The following HDAC4 variants were observed in gnomAD, a reference collection of about 807,000 sequenced individuals.
HDAC4 encodes the protein histone deacetylase A.
Under a neutral mutation model 135.1 loss-of-function variants are expected in HDAC4, and 16 were observed. The observed-to-expected ratio is 0.12, with a 90% CI of 0.08 to 0.18. The LOEUF (loss-of-function observed/expected upper bound fraction) is 0.18. Among genes scored for constraint, HDAC4 ranks in the 10% least tolerant of loss-of-function variants. The probability of loss-of-function intolerance (pLI) is 1.00; values close to 1 mark genes in which losing one functional copy is unlikely to be tolerated. For synonymous variants in HDAC4, 685 were observed against 653.4 expected, an observed-to-expected ratio of 1.05 and a Z score of -0.74; for missense variants, 1,143 against 1,511.8, an observed-to-expected ratio of 0.76 and a Z score of 4.05.
chr2:239,080,181 TAC>T (rs2035171517), intron 22 of HDAC4, among the ~76,000 whole-genome samples: 2 of 152,048 alleles, frequency 1.3e-5, no homozygotes, highest in Non-Finnish European at 2.9e-5. Context: ...CTCACATCCA[TAC>T]ACAGACACAT....
At chr2:239,077,159 G>A (rs1407287862) in intron 22 of HDAC4, among the ~76,000 whole-genome samples, 6 of 152,224 alleles carry the variant, frequency 3.9e-5, no homozygotes, top group South Asian at 2.1e-4. Flanking sequence ...AGAGCTGGCC[G>A]TGATGCTTCT....
At chr2:239,223,968 C>T (rs1208192108) in intron 3 of HDAC4, among the ~76,000 whole-genome samples, 1 of 152,148 alleles carries the variant, frequency 6.6e-6, no homozygotes, top group Non-Finnish European at 1.5e-5. Flanking sequence ...GAATGCCCAG[C>T]GCAGGCCCCT....
In HDAC4 at chr2:239,146,357, A is replaced by G. The variant is rs1234232336; in HGVS notation, c.734-1643T>C. On this transcript the variant is annotated intron_variant, in intron 7 of 26. Coordinates refer to ENST00000543185, the MANE Select transcript of HDAC4 (RefSeq NM_001378414.1). The surrounding 1 kb of genome is among the most constrained non-coding windows in gnomAD (Gnocchi z 4.5). The stretch of plus-strand genomic sequence containing the variant: ...TCTGCAGGGATTCCCCGGGCCTGGG[A>G]CAGGAGCCACTTCTGAGAGGCAGGG... 6.6e-6 allele frequency among the ~76,000 whole-genome samples: 1 copy of G among 152,236 alleles called. No individual in the cohort carries two copies. The highest frequency in any genetic ancestry group is 2.4e-5 in the African/African-American group (1 of 41,470).
intron 1 of HDAC4, among the ~76,000 whole-genome samples, chr2:239,356,482 C>T (rs967844533): frequency 1.6e-4 from 24 of 152,168 alleles, no homozygotes; most frequent in Non-Finnish European, 3.2e-4. Flanking sequence ...AGTCAATCTT[C>T]CCCAAGCACT....
At chr2:239,085,539 G>A (rs902178147) in intron 19 of HDAC4, among the ~76,000 whole-genome samples, 1 of 152,190 alleles carries the variant, frequency 6.6e-6, no homozygotes, top group African/African-American at 2.4e-5. Flanking sequence ...TTTATTATTT[G>A]GAATATCCAA....
intron 3 of HDAC4, among the ~76,000 whole-genome samples, chr2:239,220,863 G>A (rs908566350): frequency 9.2e-5 from 14 of 152,188 alleles, no homozygotes; most frequent in African/African-American, 3.1e-4. Context: ...AAGTTGCCAA[G>A]AAAGTCCAGA....
At chr2:239,157,386 C>T (rs6743553) in intron 6 of HDAC4, among the ~76,000 whole-genome samples, 2,837 of 152,332 alleles carry the variant, frequency 0.019, 71 homozygotes, top group African/African-American at 0.06. Flanking sequence ...GCTACTGATA[C>T]CCTGTGCCCA....
intron 13 of HDAC4, among the ~76,000 whole-genome samples, chr2:239,113,121 G>C (rs1296472828): frequency 6.6e-6 from 1 of 152,132 alleles, no homozygotes; most frequent in East Asian, 1.9e-4. Flanking sequence ...GTGATGGTGG[G>C]TGCCTGTAAT....
At chr2:239,220,630 C>A (rs111547700) in intron 3 of HDAC4, among the ~76,000 whole-genome samples, 1 of 152,074 alleles carries the variant, frequency 6.6e-6, no homozygotes, top group African/African-American at 2.4e-5. Context: ...ACAGAGTTAG[C>A]GAGAGGAATA....
intron 1 of HDAC4, among the ~76,000 whole-genome samples, chr2:239,387,526 A>G (rs1376056250): frequency 6.6e-6 from 1 of 152,216 alleles, no homozygotes; most frequent in Non-Finnish European, 1.5e-5. Context: ...TAGAGACAGG[A>G]CGAGGCACAG....
intron 3 of HDAC4, among the ~76,000 whole-genome samples, chr2:239,208,089 G>A (rs1439841888): frequency 1.3e-5 from 2 of 152,070 alleles, no homozygotes; most frequent in East Asian, 1.9e-4. Flanking sequence ...TTGGGAGGCT[G>A]AGACAGGCGG....
At chr2:239,222,999 T>G (rs1295593492) in intron 3 of HDAC4, among the ~76,000 whole-genome samples, 1 of 152,196 alleles carries the variant, frequency 6.6e-6, no homozygotes. Context: ...TCCTGAAAGC[T>G]ATCCAAATAC....
At chr2:239,346,450 A>AC (rs1692678141) in intron 2 of HDAC4, among the ~76,000 whole-genome samples, 1 of 149,494 alleles carries the variant, frequency 6.7e-6, no homozygotes. Flanking sequence ...ACACATACAT[A>AC]CCTTAACACA....
intron 9 of HDAC4, among the ~76,000 whole-genome samples, chr2:239,137,074 G>A (rs1321863745): frequency 6.6e-6 from 1 of 152,194 alleles, no homozygotes; most frequent in Non-Finnish European, 1.5e-5. Flanking sequence ...ACGTTCTAAT[G>A]TTTGCAAAGT....
At chr2:239,268,246 C>T (rs370751243) in intron 2 of HDAC4, among the ~76,000 whole-genome samples, 8 of 152,348 alleles carry the variant, frequency 5.3e-5, no homozygotes, top group African/African-American at 1.7e-4. Context: ...CTCCCAGACT[C>T]GGGCTGGTGG....
intron 3 of HDAC4, among the ~76,000 whole-genome samples, chr2:239,195,122 C>T (rs1325978665): frequency 2.0e-5 from 3 of 152,304 alleles, no homozygotes; most frequent in Non-Finnish European, 2.9e-5. Flanking sequence ...CTCACCAATG[C>T]GCAGAATGCT....
Position 239,080,445 on chromosome 2 carries a change from G to A in HDAC4, c.2750+650C>T, listed in dbSNP as rs562454753. Among the ~76,000 whole-genome samples the A allele has an allele frequency of 5.4e-4, 82 of 152,306 alleles. 1 individual carries two copies. In the South Asian group the frequency reaches 0.016, roughly 29 times the overall value. On this transcript the variant is annotated intron_variant, in intron 22 of 26. Coordinates refer to ENST00000543185, the MANE Select transcript of HDAC4 (RefSeq NM_001378414.1). Reference sequence around the variant, plus strand: ...CCCTGGACGCCCGTCACTCCACCACGGCAGGTGAAGCTGCCATTTTAAAAC... The same window carrying A: ...CCCTGGACGCCCGTCACTCCACCACAGCAGGTGAAGCTGCCATTTTAAAAC...
At chr2:239,161,786 C>G in intron 6 of HDAC4, 1 of 426,214 alleles carries the variant, frequency 2.3e-6, no homozygotes, top group Non-Finnish European at 4.7e-6. Flanking sequence ...CAGGAAAAGT[C>G]AGTCCTCCCA....
At chr2:239,130,849 C>T (rs1040316049) in intron 11 of HDAC4, among the ~76,000 whole-genome samples, 2 of 152,236 alleles carry the variant, frequency 1.3e-5, no homozygotes, top group African/African-American at 4.8e-5. Flanking sequence ...CAAAGTCCTG[C>T]TTCTCAGCCA....
Sources: allele counts gnomAD v4.1 joint callset (sites outside exome capture counted in the v4.1 genomes callset), GRCh38; gene constraint gnomAD v4.1.1; non-coding constraint Gnocchi (gnomAD v3.1); transcripts MANE v1.5; gene names NCBI Gene and HGNC (gene_info 2026-07-23, HGNC 2026-07-21).